TMEM108: variants seen among roughly 807,000 people sequenced by gnomAD.
TMEM108 encodes the protein transmembrane protein 108.
A neutral mutation model predicts 35.1 loss-of-function variants in TMEM108; 12 were observed. The ratio of observed to expected loss-of-function variants is 0.34; its 90% CI spans 0.22 to 0.55. The LOEUF (loss-of-function observed/expected upper bound fraction) is 0.55, where lower values mean the gene tolerates loss of function less well. Among genes scored for constraint, TMEM108 ranks in the 20% least tolerant of loss-of-function variants. The probability of loss-of-function intolerance (pLI) is 0.89; values close to 1 mark genes in which losing one functional copy is unlikely to be tolerated. For synonymous variants in TMEM108, 287 were observed against 308.6 expected (o/e 0.93, Z 0.73); for missense variants, 680 against 753.3 (o/e 0.90, Z 1.14).
At chr3:133,127,004 T>C (rs1413753030) in intron 2 of TMEM108, among the ~76,000 whole-genome samples, 2 of 152,160 alleles carry the variant, frequency 1.3e-5, no homozygotes, top group African/African-American at 2.4e-5. Context: ...TAACTATTAA[T>C]GAGATATTTT....
chr3:133,368,569 G>A (rs1244603997), intron 3 of TMEM108, among the ~76,000 whole-genome samples: 1 of 152,178 alleles, frequency 6.6e-6, no homozygotes, highest in African/African-American at 2.4e-5. Context: ...GGATGTGTGT[G>A]CATTTGATGC....
At chr3:133,043,019 C>T (rs1205782395) in intron 1 of TMEM108, among the ~76,000 whole-genome samples, 1 of 152,224 alleles carries the variant, frequency 6.6e-6, no homozygotes, top group Admixed American at 6.5e-5. Flanking sequence ...CTTTTCTTCA[C>T]TGATTGATTG....
intron 3 of TMEM108, among the ~76,000 whole-genome samples, chr3:133,235,592 T>C (rs1424855454): frequency 6.6e-6 from 1 of 152,186 alleles, no homozygotes; most frequent in Non-Finnish European, 1.5e-5. Flanking sequence ...GATCACTCAC[T>C]ACCTGAGGTG....
intron 3 of TMEM108, among the ~76,000 whole-genome samples, chr3:133,379,346 C>T (rs1251013999): frequency 6.6e-6 from 1 of 152,232 alleles, no homozygotes; most frequent in Non-Finnish European, 1.5e-5. Flanking sequence ...GGCTTCCCCA[C>T]AGGCAAGCTG....
At chr3:133,110,357 G>A (rs796570439) in intron 2 of TMEM108, among the ~76,000 whole-genome samples, 25 of 152,294 alleles carry the variant, frequency 1.6e-4, no homozygotes, top group African/African-American at 5.5e-4. Flanking sequence ...GGCTATGTGC[G>A]TCAGGTAGCT....
intron 3 of TMEM108, chr3:133,378,624 T>C: frequency 2.4e-6 from 2 of 850,632 alleles, no homozygotes; most frequent in South Asian, 5.4e-5. Flanking sequence ...TCCCAACCCA[T>C]GTGTTGTCAA....
intron 2 of TMEM108, among the ~76,000 whole-genome samples, chr3:133,195,012 A>G (rs1307004867): frequency 1.3e-5 from 2 of 152,232 alleles, no homozygotes; most frequent in East Asian, 3.8e-4. Context: ...TAAATCTGGA[A>G]AGAACAACCT....
intron 2 of TMEM108, among the ~76,000 whole-genome samples, chr3:133,215,870 A>G (rs188679698): frequency 2.1e-4 from 32 of 152,190 alleles, no homozygotes; most frequent in African/African-American, 7.7e-4. Flanking sequence ...ACCATTTTCC[A>G]TATTGCTCAA....
At chr3:133,226,837 AAAAG>A (rs1946078543) in intron 2 of TMEM108, among the ~76,000 whole-genome samples, 1 of 152,208 alleles carries the variant, frequency 6.6e-6, no homozygotes, top group African/African-American at 2.4e-5. Context: ...GGAAATTTAC[AAAAG>A]AAAGAGGTTT....
chr3:133,167,641 A>T lies in TMEM108; in HGVS notation c.-46-61625A>T, dbSNP rs535359646. On this transcript the variant is annotated intron_variant, in intron 2 of 5. Transcript: ENST00000321871. ...TCTGCAGCTGCTGGCCCAGGTGCTA[A>T]GCCCCTCACTGCCCGGGGCCAGTGC... 2.6e-3 allele frequency among the ~76,000 whole-genome samples: 401 copies of T among 152,324 alleles called. 3 individuals are homozygous for T. The highest frequency in any genetic ancestry group is 9.1e-3 in the African/African-American group (380 of 41,576).
chr3:133,332,786 C>A (rs1184723525), intron 3 of TMEM108, among the ~76,000 whole-genome samples: 1 of 152,182 alleles, frequency 6.6e-6, no homozygotes, highest in Non-Finnish European at 1.5e-5. Flanking sequence ...ATAGCATGTT[C>A]CTTTAACCAA....
chr3:133,211,747 C>A (rs1699800794), intron 2 of TMEM108, among the ~76,000 whole-genome samples: 2 of 152,134 alleles, frequency 1.3e-5, no homozygotes, highest in Admixed American at 6.5e-5. Context: ...TCAACAAATG[C>A]AAATAGACTC....
At chr3:133,045,193 C>T (rs1943321260) in intron 1 of TMEM108, among the ~76,000 whole-genome samples, 3 of 152,090 alleles carry the variant, frequency 2.0e-5, no homozygotes, top group Admixed American at 1.3e-4. Flanking sequence ...TGGTCTTGAT[C>T]GCCTGATCTT....
At chr3:133,139,061 C>T (rs142612222) in intron 2 of TMEM108, among the ~76,000 whole-genome samples, 1,746 of 152,182 alleles carry the variant, frequency 0.011, 19 homozygotes, top group Middle Eastern at 0.027. Context: ...ATGATGGTTT[C>T]CAGCTTCATG....
chr3:133,338,254 G>T (rs778859371), intron 3 of TMEM108, among the ~76,000 whole-genome samples: 22 of 152,082 alleles, frequency 1.4e-4, no homozygotes, highest in Non-Finnish European at 2.8e-4. Flanking sequence ...CTACCTCAAG[G>T]CATTTAATAA....
At chr3:133,316,350 A>T (rs954183889) in intron 3 of TMEM108, among the ~76,000 whole-genome samples, 1 of 152,206 alleles carries the variant, frequency 6.6e-6, no homozygotes, top group African/African-American at 2.4e-5. Context: ...AACTGAAAAA[A>T]GTACATTTTT....
chr3:133,137,806 CAT>C (rs1490086811), intron 2 of TMEM108, among the ~76,000 whole-genome samples: 1 of 152,144 alleles, frequency 6.6e-6, no homozygotes, highest in Non-Finnish European at 1.5e-5. Context: ...AGGAAAGGAA[CAT>C]ATAAAGGTTG....
At chr3:133,204,910 C>A (rs1428417946) in intron 2 of TMEM108, among the ~76,000 whole-genome samples, 1 of 152,154 alleles carries the variant, frequency 6.6e-6, no homozygotes, top group Non-Finnish European at 1.5e-5. Flanking sequence ...GTGTTAAAGT[C>A]TCCCGCTATT....
intron 2 of TMEM108, among the ~76,000 whole-genome samples, chr3:133,104,275 A>G (rs535009589): frequency 2.6e-5 from 4 of 152,356 alleles, no homozygotes; most frequent in Admixed American, 6.5e-5. Context: ...CTGGCAGATA[A>G]TAACTGCTCA....
Sources: gnomAD v4.1 joint callset for allele counts (sites outside exome capture counted in the v4.1 genomes callset) on GRCh38, gnomAD v4.1.1 for gene constraint, MANE v1.5 for transcripts, NCBI Gene and HGNC (gene_info 2026-07-23, HGNC 2026-07-21) for gene names.